P3H2: variants seen among roughly 807,000 people sequenced by gnomAD.
P3H2 encodes leprecan-like 1.
In P3H2, 80 loss-of-function variants were observed where a neutral mutation model predicts 87.0. The observed-to-expected ratio is 0.92, with a 90% CI of 0.77 to 1.11. The LOEUF (loss-of-function observed/expected upper bound fraction) is 1.11. Among genes scored for constraint, P3H2 ranks in the 50% least tolerant of loss-of-function variants. P3H2 has a pLI of 0.00. For missense variants in P3H2, 1,001 were observed against 923.9 expected, an observed-to-expected ratio of 1.08 and a Z score of -1.08; for synonymous variants, 367 against 359.3, an observed-to-expected ratio of 1.02 and a Z score of -0.24.
In P3H2 at chr3:190,020,819, C is replaced by G. The variant is rs1401484411; in HGVS notation, c.481-25377G>C. On this transcript the variant is annotated intron_variant, in intron 1 of 14. Transcript: ENST00000319332. ...AAAGGCTTCCTAAGGAGTCCTTTTC[C>G]AAGGAGAGGTGGCATCTGTCAAAAA... is the stretch of plus-strand genomic sequence containing the variant. 1.5e-5 allele frequency among the ~76,000 whole-genome samples: 2 copies of G among 133,278 alleles called. 1 individual carries two copies. Among genetic ancestry groups the G allele is most frequent in the Non-Finnish European group, 3.3e-5 (2 of 60,010 alleles). The allele number at this position is 133,278 out of a possible 152,430, so 87.4% of individuals were successfully genotyped here.
At chr3:190,067,558 A>T (rs1726551416) in intron 1 of P3H2, among the ~76,000 whole-genome samples, 1 of 152,164 alleles carries the variant, frequency 6.6e-6, no homozygotes, top group Non-Finnish European at 1.5e-5. Flanking sequence ...GCTTTTGAAT[A>T]ACTAGTGATT....
intron 1 of P3H2, among the ~76,000 whole-genome samples, chr3:190,051,153 T>C (rs1054002215): frequency 5.3e-5 from 8 of 152,214 alleles, no homozygotes; most frequent in African/African-American, 1.9e-4. Context: ...AGGACAATGC[T>C]AATGCCATTT....
intron 1 of P3H2, among the ~76,000 whole-genome samples, chr3:190,051,674 T>C (rs1725988163): frequency 1.3e-5 from 2 of 152,252 alleles, no homozygotes; most frequent in Admixed American, 6.5e-5. Flanking sequence ...CAATACTTGT[T>C]TGTCATTTTT....
In P3H2 at chr3:189,987,640, C is replaced by T. The variant is rs764376297; in HGVS notation, c.985G>A (p.Ala329Thr). 10 of 1,614,148 alleles carry T rather than the reference C, an allele frequency of 6.2e-6. No individual in the cohort carries two copies. The South Asian group carries it at 9.9e-5, about 16-fold the overall frequency. The change falls in exon 5 of 15, where the codon GCC (alanine) becomes ACC (threonine). Residue 329 changes from alanine to threonine, a missense_variant. By Grantham distance (58) the Ala-to-Thr change is moderately conservative. Coordinates refer to ENST00000319332, the MANE Select transcript of P3H2 (RefSeq NM_018192.4). ...VGEYVKALEC[A>T]KAYLLCHPDD... ...GGATGGCATAGAAGATAGGCTTTGG[C>T]ACACTCCAGGGCTTTCACATACTCA...
Position 190,120,443 on chromosome 3 carries a change from G to T in P3H2, c.289C>A (p.Pro97Thr). ...GCGCCGGGGCCCTCGCCGGGGGGCG[G>T]GGGCGGGAGCGGGTGGCGCGCCGCG... ...HCAARHPLPP[P>T]PPGEGPGAEL... Residue 97 changes from proline (P) to threonine (T), a missense_variant, in exon 1 of 15, where the codon CCG becomes ACG. Pro to Thr is a conservative substitution (Grantham distance 38). Transcript: ENST00000319332. 7.0e-7 allele frequency: 1 copy of T among 1,434,104 alleles called. No homozygotes were observed. The highest frequency in any genetic ancestry group is 1.5e-5 in the African/African-American group (1 of 67,132). 88.8% of individuals were successfully genotyped at this position (1,434,104 alleles called of 1,614,324 possible). A position where few individuals can be genotyped will look rare whatever the true frequency, so the allele number is the denominator to read the frequency against.
intron 8 of P3H2, among the ~76,000 whole-genome samples, chr3:189,982,682 T>C (rs1438795944): frequency 1.3e-5 from 2 of 152,316 alleles, no homozygotes; most frequent in African/African-American, 2.4e-5. Context: ...TCCTCTGATA[T>C]ACAGTCTGTC....
At chr3:190,053,630 G>C (rs11926213) in intron 1 of P3H2, among the ~76,000 whole-genome samples, 27,951 of 151,584 alleles carry the variant, frequency 0.18, 3,701 homozygotes, top group African/African-American at 0.38. Flanking sequence ...GCTAATTTTT[G>C]TATTCTTAGT....
At chr3:189,961,071 G>T (rs1291682764) in intron 14 of P3H2, among the ~76,000 whole-genome samples, 1 of 151,952 alleles carries the variant, frequency 6.6e-6, no homozygotes, top group Non-Finnish European at 1.5e-5. Flanking sequence ...CTCCCCAGTA[G>T]CTGGGATTAC....
rs982771033 is a variant in P3H2, at chr3:189,957,693, C to T, written c.*219G>A. ...CCTAGACAACATGGTTAGACCATGT[C>T]TCTAAGAAGAGAGAGAGAGAGAGAG... On this transcript the variant is annotated 3_prime_UTR_variant, in exon 15 of 15. Coordinates refer to ENST00000319332, the MANE Select transcript of P3H2 (RefSeq NM_018192.4). The T allele has an allele frequency of 1.3e-5, 6 of 474,266 alleles. No individual in the cohort carries two copies. Among genetic ancestry groups the T allele is most frequent in the African/African-American group, 7.4e-5 (3 of 40,418 alleles). 29.4% of individuals were successfully genotyped at this position (474,266 alleles called of 1,614,324 possible).
At chr3:190,073,776 A>G (rs1272540534) in intron 1 of P3H2, among the ~76,000 whole-genome samples, 1 of 152,252 alleles carries the variant, frequency 6.6e-6, no homozygotes, top group Non-Finnish European at 1.5e-5. Flanking sequence ...AATAATGGAA[A>G]TGATTCAACT....
chr3:189,974,874 C>T (rs559922669), intron 8 of P3H2, among the ~76,000 whole-genome samples, 189 bp from the exon 9 acceptor site: 10 of 152,290 alleles, frequency 6.6e-5, no homozygotes, highest in South Asian at 6.2e-4. Flanking sequence ...AGATGTCTAT[C>T]GGGTTTCCTC....
At chr3:189,967,502 T>G (rs1449597008) in intron 13 of P3H2, among the ~76,000 whole-genome samples, 2 of 149,360 alleles carry the variant, frequency 1.3e-5, no homozygotes, top group African/African-American at 2.5e-5. Flanking sequence ...CCTGTCTGAC[T>G]TTCTTTGAAA....
At position 190,039,167 on chromosome 3, in the gene P3H2, C is replaced by T. The variant is rs61299479; in HGVS notation, c.481-43725G>A. Among the ~76,000 whole-genome samples the T allele has an allele frequency of 1.4e-3, 197 of 140,616 alleles. 1 individual carries two copies. The highest frequency in any genetic ancestry group is 5.1e-3 in the African/African-American group (191 of 37,338). 92.2% of individuals were successfully genotyped at this position (140,616 alleles called of 152,430 possible). A position where few individuals can be genotyped will look rare whatever the true frequency, so the allele number is the denominator to read the frequency against. ...TCACACCATTGCACTCTAGCCTGGACAACAAAAGCGAAACTCCATCTCAAA... is the reference window on the plus strand; with the variant it reads ...TCACACCATTGCACTCTAGCCTGGATAACAAAAGCGAAACTCCATCTCAAA... On this transcript the variant is annotated intron_variant, in intron 1 of 14. Coordinates refer to ENST00000319332, the MANE Select transcript of P3H2 (RefSeq NM_018192.4).
Position 189,959,388 on chromosome 3 carries a change from A to G in P3H2, c.2035-1384T>C, listed in dbSNP as rs531062701. Among the ~76,000 whole-genome samples, 8 of 141,048 alleles carry G rather than the reference A, an allele frequency of 5.7e-5. No individual in the cohort carries two copies. In the South Asian group the frequency reaches 7.6e-4, roughly 13 times the overall value. The allele number at this position is 141,048 out of a possible 152,430, so 92.5% of individuals were successfully genotyped here. On this transcript the variant is annotated intron_variant, in intron 14 of 14. Coordinates refer to ENST00000319332, the MANE Select transcript of P3H2 (RefSeq NM_018192.4). ...TCATCTAGCATTAGGTATATCTCCC[A>G]ATGCTATCCCTCCCCCCTCCCCCCA...
chr3:189,980,419 C>T (rs777740783), intron 8 of P3H2, among the ~76,000 whole-genome samples: 3 of 152,044 alleles, frequency 2.0e-5, no homozygotes, highest in East Asian at 1.9e-4. Flanking sequence ...AAAAATTAGC[C>T]GGGTATGGTG....
intron 1 of P3H2, among the ~76,000 whole-genome samples, chr3:190,017,787 G>A (rs989648640): frequency 6.6e-6 from 1 of 152,146 alleles, no homozygotes; most frequent in East Asian, 1.9e-4. Context: ...TTTTCTCTTT[G>A]ACTTGAATGA....
intron 1 of P3H2, among the ~76,000 whole-genome samples, chr3:190,048,532 T>C (rs1020134167): frequency 1.3e-5 from 2 of 152,346 alleles, no homozygotes; most frequent in Admixed American, 6.5e-5. Context: ...CCATAGATTT[T>C]GCTTTATTTT....
chr3:190,058,556 A>G (rs1027991729), intron 1 of P3H2, among the ~76,000 whole-genome samples: 1 of 152,186 alleles, frequency 6.6e-6, no homozygotes, highest in African/African-American at 2.4e-5. Context: ...GTAGATGTCC[A>G]GGAATGGAAA....
Position 190,120,279 on chromosome 3 carries a change from G to C in P3H2, c.453C>G (p.Tyr151Ter). ...VRSDFQRRVPYNYLQRAYIKL... is the reference protein window; with the variant it reads ...VRSDFQRRVP ...TGATGTAGGCCCGCTGCAGGTAGTT[G>C]TAGGGCACTCTGCGCTGGAAGTCGC... is the stretch of plus-strand genomic sequence containing the variant. The change falls in exon 1 of 15, where the codon TAC becomes TAG. Residue 151 changes from tyrosine to a stop codon, truncating the protein, a stop_gained. Coordinates refer to ENST00000319332, the MANE Select transcript of P3H2 (RefSeq NM_018192.4). LOFTEE classifies it high-confidence loss of function. The C allele has an allele frequency of 6.2e-7, 1 of 1,611,268 alleles. No individual in the cohort carries two copies. The highest frequency in any genetic ancestry group is 8.5e-7 in the Non-Finnish European group (1 of 1,179,432).
Sources: allele counts gnomAD v4.1 joint callset (sites outside exome capture counted in the v4.1 genomes callset), GRCh38; gene constraint gnomAD v4.1.1; transcripts MANE v1.5; gene names NCBI Gene and HGNC (gene_info 2026-07-23, HGNC 2026-07-21).